Variants in MRTFB observed in about 807,000 individuals in gnomAD.
The protein encoded by MRTFB is myocardin related transcription factor B, also known as myocardin-related transcription factor B.
Under a neutral mutation model 104.2 loss-of-function variants are expected in MRTFB, and 29 were observed. The ratio of observed to expected loss-of-function variants is 0.28; its 90% CI spans 0.21 to 0.38. The LOEUF (loss-of-function observed/expected upper bound fraction) is 0.38. Among genes scored for constraint, MRTFB ranks in the 10% least tolerant of loss-of-function variants. The probability of loss-of-function intolerance (pLI) is 1.00; values close to 1 mark genes in which losing one functional copy is unlikely to be tolerated. For missense variants in MRTFB, 1,270 were observed against 1,341.6 expected, an observed-to-expected ratio of 0.95 and a Z score of 0.83; for synonymous variants, 535 against 519.5, an observed-to-expected ratio of 1.03 and a Z score of -0.41.
At chr16:14,102,445 G>A (rs772568143) in intron 2 of MRTFB, among the ~76,000 whole-genome samples, 3 of 152,122 alleles carry the variant, frequency 2.0e-5, no homozygotes, top group Admixed American at 6.5e-5. Flanking sequence ...GTTATCACTC[G>A]TACATGTTTA....
At chr16:14,101,071 T>G (rs1391359708) in intron 2 of MRTFB, among the ~76,000 whole-genome samples, 1 of 152,046 alleles carries the variant, frequency 6.6e-6, no homozygotes. Context: ...TGCTCTTTTC[T>G]TCACTGCTTT....
intron 2 of MRTFB, among the ~76,000 whole-genome samples, chr16:14,108,533 T>C (rs1388867408): frequency 1.3e-5 from 2 of 152,304 alleles, no homozygotes; most frequent in East Asian, 3.9e-4. Context: ...TTAAAGTCAA[T>C]ATGTGAGAGA....
the MRTFB span, among the ~76,000 whole-genome samples, chr16:14,041,786 C>G: frequency 6.6e-6 from 1 of 151,890 alleles, no homozygotes; most frequent in South Asian, 2.1e-4. Flanking sequence ...ATTAGCCAGG[C>G]GTGGTGGCAC....
the MRTFB span, among the ~76,000 whole-genome samples, chr16:14,028,583 C>G: frequency 6.6e-6 from 1 of 152,186 alleles, no homozygotes; most frequent in African/African-American, 2.4e-5. Flanking sequence ...TCTCTCCTCT[C>G]CCACAAGCCT....
At chr16:14,101,980 A>G (rs190448785) in intron 2 of MRTFB, among the ~76,000 whole-genome samples, 1 of 152,298 alleles carries the variant, frequency 6.6e-6, no homozygotes, top group Admixed American at 6.5e-5. Flanking sequence ...GGTATTTTGA[A>G]AAATACATAA....
At chr16:14,194,790 T>G (rs1490685636) in intron 3 of MRTFB, among the ~76,000 whole-genome samples, 1 of 151,948 alleles carries the variant, frequency 6.6e-6, no homozygotes, top group African/African-American at 2.4e-5. Context: ...TGTGTGATCT[T>G]GGATAAATGC....
At chr16:14,060,968 A>C in the MRTFB span, among the ~76,000 whole-genome samples, 1 of 152,060 alleles carries the variant, frequency 6.6e-6, no homozygotes, top group South Asian at 2.1e-4. Context: ...AACACAGTGA[A>C]ACCCTGTCTC....
intron 3 of MRTFB, chr16:14,144,416 G>A (rs1355678800): frequency 2.0e-5 from 3 of 151,996 alleles, no homozygotes; most frequent in Non-Finnish European, 4.4e-5. Flanking sequence ...TAGGTTTTTG[G>A]GGAAATGCTG....
chr16:14,239,934 G>T (rs1183685289), intron 9 of MRTFB, among the ~76,000 whole-genome samples: 1 of 152,174 alleles, frequency 6.6e-6, no homozygotes, highest in Non-Finnish European at 1.5e-5. Flanking sequence ...GTATGTGTAA[G>T]CACTTGGTAG....
At chr16:14,071,240 G>A (rs796328146), upstream of MRTFB, 13 of 153,306 alleles carry the variant, frequency 8.5e-5, no homozygotes, top group African/African-American at 3.1e-4. Flanking sequence ...CGTCCGGGGA[G>A]CGCGCCGAGC....
the MRTFB span, among the ~76,000 whole-genome samples, chr16:14,008,787 T>C: frequency 6.6e-6 from 1 of 152,218 alleles, no homozygotes; most frequent in Non-Finnish European, 1.5e-5. Flanking sequence ...TATCTTAATA[T>C]TAAACTTTTC....
chr16:14,132,174 C>G (rs72783494), intron 2 of MRTFB, among the ~76,000 whole-genome samples: 8,917 of 152,180 alleles, frequency 0.059, 518 homozygotes, highest in East Asian at 0.3. Context: ...AAAATACACA[C>G]AAAAGGCCAC....
At chr16:14,148,426 T>G (rs969842396) in intron 3 of MRTFB, among the ~76,000 whole-genome samples, 5 of 152,182 alleles carry the variant, frequency 3.3e-5, no homozygotes, top group Admixed American at 6.5e-5. Flanking sequence ...TGGAAAAAAG[T>G]GATCCATGAC....
intron 9 of MRTFB, among the ~76,000 whole-genome samples, chr16:14,238,111 G>A (rs1163900076): frequency 6.6e-6 from 1 of 152,190 alleles, no homozygotes; most frequent in Non-Finnish European, 1.5e-5. Flanking sequence ...AATGTCTGGA[G>A]ACGTTTCTGG....
At chr16:14,196,565 T>G (rs2040441245) in intron 3 of MRTFB, among the ~76,000 whole-genome samples, 2 of 152,244 alleles carry the variant, frequency 1.3e-5, no homozygotes, top group Admixed American at 1.3e-4. Flanking sequence ...AGCCTAACTT[T>G]TTTCAAACAC....
rs1456189034 is a variant in MRTFB at position 14,261,975 on chromosome 16, C to T, written c.*531C>T. 1 of 152,316 alleles carries T rather than the reference C, an allele frequency of 6.6e-6. No homozygotes were observed. The highest frequency in any genetic ancestry group is 2.4e-5 in the African/African-American group (1 of 41,472). 9.4% of individuals were successfully genotyped at this position (152,316 alleles called of 1,614,324 possible). ...TGGAGAGCCTTGGCCAGTTCAGTGA[C>T]AGCTTCTGGCTGAAGACTTTTGGTT... On this transcript the variant is annotated 3_prime_UTR_variant, in exon 17 of 17. Transcript: ENST00000571589.
chr16:14,142,868 A>G lies in MRTFB; in HGVS notation c.154+2108A>G, dbSNP rs928473904. On this transcript the variant is annotated intron_variant, in intron 3 of 16. Coordinates refer to ENST00000571589, the MANE Select transcript of MRTFB (RefSeq NM_001308142.2). ...CCCAAATATAAAGCAGTCTCCCCTT[A>G]TAAACTTCTAAGGAAATAGATTAAA... 7.9e-5 allele frequency: 12 copies of G among 152,338 alleles called. 1 individual carries two copies. Among genetic ancestry groups the G allele is most frequent in the African/African-American group, 7.2e-5 (3 of 41,584 alleles). 9.4% of individuals were successfully genotyped at this position (152,338 alleles called of 1,614,324 possible).
chr16:14,233,025 G>A (rs1567197091), intron 8 of MRTFB, among the ~76,000 whole-genome samples: 1 of 152,186 alleles, frequency 6.6e-6, no homozygotes, highest in Admixed American at 6.5e-5. Flanking sequence ...ATTTTGACTA[G>A]TTTATTACAA....
upstream of MRTFB, among the ~76,000 whole-genome samples, chr16:14,069,584 A>G (rs890815916): frequency 3.9e-5 from 6 of 152,216 alleles, no homozygotes; most frequent in African/African-American, 1.4e-4. Context: ...TCCTGGGCTC[A>G]AGAGATCCTC....
Sources: allele counts gnomAD v4.1 joint callset (sites outside exome capture counted in the v4.1 genomes callset), GRCh38; gene constraint gnomAD v4.1.1; transcripts MANE v1.5; gene names NCBI Gene and HGNC (gene_info 2026-07-23, HGNC 2026-07-21).